DOK5: variants seen among roughly 807,000 people sequenced by gnomAD.
DOK5 encodes downstream of tyrosine kinase 5.
In DOK5, 27 loss-of-function variants were observed where a neutral mutation model predicts 43.3. The ratio of observed to expected loss-of-function variants is 0.62; its 90% confidence interval spans 0.46 to 0.86. The LOEUF (loss-of-function observed/expected upper bound fraction) is 0.86. Among genes scored for constraint, DOK5 ranks in the 40% least tolerant of loss-of-function variants. The probability of loss-of-function intolerance (pLI) is 0.00; values close to 1 mark genes in which losing one functional copy is unlikely to be tolerated. For missense variants in DOK5, 373 were observed against 392.9 expected (o/e 0.95, Z 0.43); for synonymous variants, 146 against 140.1 (o/e 1.04, Z -0.30).
At chr20:54,634,413 A>C (rs2146820256) in intron 6 of DOK5, among the ~76,000 whole-genome samples, 2 of 144,928 alleles carry the variant, frequency 1.4e-5, no homozygotes, top group African/African-American at 2.6e-5. Flanking sequence ...AGAAGTAGCC[A>C]CTCAACTAAT....
intron 5 of DOK5, among the ~76,000 whole-genome samples, chr20:54,593,260 GAA>G (rs11432564): frequency 0.014 from 1,984 of 142,420 alleles, 46 homozygotes; most frequent in African/African-American, 0.045. Context: ...CTGTCTCCCA[GAA>G]AAAAAAAAAA....
At chr20:54,494,068 G>C (rs1982297163) in intron 1 of DOK5, among the ~76,000 whole-genome samples, 2 of 152,182 alleles carry the variant, frequency 1.3e-5, no homozygotes. Context: ...TTGTTTTGAT[G>C]ATTTTAGCCT....
intron 6 of DOK5, among the ~76,000 whole-genome samples, chr20:54,635,863 T>C (rs68183459): frequency 0.083 from 12,703 of 152,266 alleles, 655 homozygotes; most frequent in Middle Eastern, 0.14. Context: ...TTTATGTAAA[T>C]GGAATATCTT....
chr20:54,516,251 A>T (rs1983193005), intron 1 of DOK5, among the ~76,000 whole-genome samples: 1 of 152,212 alleles, frequency 6.6e-6, no homozygotes, highest in Non-Finnish European at 1.5e-5. Context: ...ATACATATTT[A>T]ATTACAGTAA....
At chr20:54,500,881 T>C (rs950122003) in intron 1 of DOK5, among the ~76,000 whole-genome samples, 6 of 152,084 alleles carry the variant, frequency 3.9e-5, no homozygotes, top group African/African-American at 1.2e-4. Flanking sequence ...TTTAAATGTA[T>C]TTTGTTATGT....
intron 5 of DOK5, among the ~76,000 whole-genome samples, chr20:54,593,504 T>C (rs1568800863): frequency 6.6e-6 from 1 of 152,186 alleles, no homozygotes; most frequent in African/African-American, 2.4e-5. Context: ...TGTTCTTATT[T>C]TGTGAGAATT....
chr20:54,641,002 A>G (rs558642926), intron 6 of DOK5, among the ~76,000 whole-genome samples: 15 of 152,194 alleles, frequency 9.9e-5, no homozygotes, highest in Non-Finnish European at 2.2e-4. Context: ...AATTAGCTCA[A>G]ATGAATTTTT....
chr20:54,608,534 G>A (rs1182258485), intron 5 of DOK5, among the ~76,000 whole-genome samples: 1 of 152,150 alleles, frequency 6.6e-6, no homozygotes, highest in Non-Finnish European at 1.5e-5. Flanking sequence ...AAAATGCCTT[G>A]AATTTCAGTT....
At chr20:54,564,146 G>A (rs796359583) in intron 2 of DOK5, among the ~76,000 whole-genome samples, 6 of 152,230 alleles carry the variant, frequency 3.9e-5, no homozygotes, top group African/African-American at 1.4e-4. Context: ...TTCTATGGCT[G>A]GGCACGGTGG....
rs1056225926 is a variant in DOK5, at chr20:54,477,524, C to T, written c.66+1512C>T. On this transcript the variant is annotated intron_variant, in intron 1 of 7. Transcript: ENST00000262593. ...ATGCAAATATTCTCATCTTCAAGAG[C>T]ACCCATTGTTGGGGGTACTTTACTG... Among the ~76,000 whole-genome samples, 6 of 152,288 alleles carry T rather than the reference C, an allele frequency of 3.9e-5. No homozygotes were observed. In the South Asian group the frequency reaches 1.2e-3, roughly 32 times the overall value.
chr20:54,621,432 C>A (rs1448962513), intron 6 of DOK5, among the ~76,000 whole-genome samples: 1 of 152,212 alleles, frequency 6.6e-6, no homozygotes, highest in Non-Finnish European at 1.5e-5. Context: ...TGGCTCACGC[C>A]TGTAATCCCA....
At chr20:54,477,109 GTAA>G (rs1281341871) in intron 1 of DOK5, among the ~76,000 whole-genome samples, 1 of 152,142 alleles carries the variant, frequency 6.6e-6, no homozygotes. Flanking sequence ...TATAATGTCA[GTAA>G]TCGTGTGGAA....
At chr20:54,502,644 T>G (rs1394876467) in intron 1 of DOK5, among the ~76,000 whole-genome samples, 1 of 152,202 alleles carries the variant, frequency 6.6e-6, no homozygotes, top group Non-Finnish European at 1.5e-5. Flanking sequence ...ATGTCATGTG[T>G]GTGTACACCG....
chr20:54,552,206 C>T (rs548027084), intron 1 of DOK5, among the ~76,000 whole-genome samples: 12 of 152,012 alleles, frequency 7.9e-5, no homozygotes, highest in East Asian at 1.9e-4. Context: ...CCAGAGAAAA[C>T]GTTGTTAACA....
intron 5 of DOK5, among the ~76,000 whole-genome samples, chr20:54,602,798 C>T (rs1600728488): frequency 6.6e-6 from 1 of 152,012 alleles, no homozygotes; most frequent in South Asian, 2.1e-4. Context: ...CTCAGCCTCC[C>T]GAGTAGCTGG....
At chr20:54,483,945 C>A (rs563996494) in intron 1 of DOK5, among the ~76,000 whole-genome samples, 2 of 152,232 alleles carry the variant, frequency 1.3e-5, no homozygotes, top group Admixed American at 6.5e-5. Flanking sequence ...GTTCTTAAGC[C>A]GAGTTGTTAA....
intron 6 of DOK5, among the ~76,000 whole-genome samples, chr20:54,622,831 A>G (rs952044034): frequency 6.6e-6 from 1 of 152,096 alleles, no homozygotes; most frequent in African/African-American, 2.4e-5. Flanking sequence ...GAAGAGAGAG[A>G]TAGAAATAGT....
intron 1 of DOK5, among the ~76,000 whole-genome samples, chr20:54,534,614 T>G (rs1447760162): frequency 6.6e-6 from 1 of 152,182 alleles, no homozygotes; most frequent in Non-Finnish European, 1.5e-5. Flanking sequence ...TGGGTGACAT[T>G]TAAGTGAAAG....
intron 1 of DOK5, among the ~76,000 whole-genome samples, chr20:54,550,322 G>T (rs1395279585): frequency 1.3e-5 from 2 of 151,936 alleles, no homozygotes; most frequent in African/African-American, 4.8e-5. Context: ...CAAGATAATT[G>T]TAAATTCACA....
Sources: gnomAD v4.1 joint callset for allele counts (sites outside exome capture counted in the v4.1 genomes callset) on GRCh38, gnomAD v4.1.1 for gene constraint, MANE v1.5 for transcripts, NCBI Gene and HGNC (gene_info 2026-07-23, HGNC 2026-07-21) for gene names.